COL15A1: variants seen among roughly 807,000 people sequenced by gnomAD.
COL15A1 encodes the protein collagen alpha-1(XV) chain.
COL15A1 carries 111 observed loss-of-function variants against 165.9 expected under a neutral mutation model. The observed-to-expected ratio is 0.67, with a 90% confidence interval of 0.57 to 0.78. The LOEUF is 0.78. Among genes scored for constraint, COL15A1 ranks in the 30% least tolerant of loss-of-function variants. The probability of loss-of-function intolerance (pLI) is 0.00; values close to 1 mark genes in which losing one functional copy is unlikely to be tolerated. For synonymous variants in COL15A1, 659 were observed against 674.8 expected (o/e 0.98, Z 0.36); for missense variants, 1,745 against 1,789.7 (o/e 0.98, Z 0.45).
chr9:99,005,880 A>G (rs1838754315), intron 9 of COL15A1, among the ~76,000 whole-genome samples: 1 of 152,038 alleles, frequency 6.6e-6, no homozygotes, highest in Non-Finnish European at 1.5e-5. Context: ...GAAGCTTCCC[A>G]TCGCCCTTCC....
Position 98,985,980 on chromosome 9 carries a change from A to C in COL15A1, c.516A>C (p.Glu172Asp). The C allele has an allele frequency of 6.2e-7, 1 of 1,614,054 alleles. No homozygotes were observed. The highest frequency in any genetic ancestry group is 8.5e-7 in the Non-Finnish European group (1 of 1,179,996). ...NRFAMIVQGE[E>D]VTLLVNCEEH... Reference sequence around the variant, plus strand: ...TCGCCATGATTGTCCAGGGTGAGGAAGTGACCCTCCTCGTGAACTGTGAGG... The same window carrying C: ...TCGCCATGATTGTCCAGGGTGAGGACGTGACCCTCCTCGTGAACTGTGAGG... Residue 172 changes from glutamate (E) to aspartate (D), a missense_variant, in exon 3 of 42, where the codon GAA becomes GAC. Physicochemically the swap from Glu to Asp is conservative, Grantham distance 45. Coordinates refer to ENST00000375001, the MANE Select transcript of COL15A1 (RefSeq NM_001855.5).
At chr9:99,062,394 T>G (rs541093587) in intron 38 of COL15A1, 90 bp downstream of exon 38, 1 of 960,770 alleles carries the variant, frequency 1.0e-6, no homozygotes, top group Non-Finnish European at 1.7e-6. Flanking sequence ...CTCTCCAAAC[T>G]CTGGACAGTC....
intron 11 of COL15A1, among the ~76,000 whole-genome samples, chr9:99,018,606 T>C (rs1229423626): frequency 3.3e-5 from 5 of 152,168 alleles, no homozygotes; most frequent in Admixed American, 3.3e-4. Context: ...TAGAGAAAAA[T>C]TGGGCATAAT....
At chr9:99,012,730 GA>G in intron 9 of COL15A1, among the ~76,000 whole-genome samples, 1 of 9,770 alleles carries the variant, frequency 1.0e-4, no homozygotes, top group East Asian at 1.6e-3. Flanking sequence ...TTTTTTTTTT[GA>G]GACGGAGTCT....
At chr9:98,951,774 T>C (rs1239138767) in intron 2 of COL15A1, among the ~76,000 whole-genome samples, 1 of 152,092 alleles carries the variant, frequency 6.6e-6, no homozygotes, top group African/African-American at 2.4e-5. Flanking sequence ...CCCAGGCTGG[T>C]CTAAAACTCC....
At chr9:99,003,408 A>G in intron 7 of COL15A1, 45 bp from the exon 8 acceptor site, 1 of 1,397,060 alleles carries the variant, frequency 7.2e-7, no homozygotes, top group South Asian at 1.8e-5. Flanking sequence ...AGGCATGTTG[A>G]TGGGAGCCCA....
chr9:98,954,239 T>C (rs1837739184), intron 2 of COL15A1, among the ~76,000 whole-genome samples: 1 of 152,178 alleles, frequency 6.6e-6, no homozygotes, highest in African/African-American at 2.4e-5. Context: ...TTTTAAAAAT[T>C]GGTAATAAAA....
At chr9:98,991,517 G>A (rs1432864756) in intron 5 of COL15A1, among the ~76,000 whole-genome samples, 1 of 152,120 alleles carries the variant, frequency 6.6e-6, no homozygotes, top group Non-Finnish European at 1.5e-5. Context: ...TACAAACCTT[G>A]AGCTAGATAC....
At chr9:98,972,617 A>G (rs1838079364) in intron 2 of COL15A1, among the ~76,000 whole-genome samples, 1 of 152,362 alleles carries the variant, frequency 6.6e-6, no homozygotes, top group East Asian at 1.9e-4. Flanking sequence ...GCAAGCCTGC[A>G]GAAAATTTTA....
At chr9:98,964,657 G>GTGTA (rs751839485) in intron 2 of COL15A1, among the ~76,000 whole-genome samples, 1 of 152,220 alleles carries the variant, frequency 6.6e-6, no homozygotes, top group Non-Finnish European at 1.5e-5. Context: ...GGTACCTAGT[G>GTGTA]TGTACCAAGC....
Position 98,944,238 on chromosome 9 carries a change from C to T in COL15A1, c.88C>T (p.Arg30Cys), listed in dbSNP as rs1020932695. 1.2e-6 allele frequency: 2 copies of T among 1,613,772 alleles called. No individual in the cohort carries two copies. Among genetic ancestry groups the T allele is most frequent in the African/African-American group, 2.7e-5 (2 of 74,924 alleles). Residue 30 changes from arginine (R) to cysteine (C), a missense_variant, in exon 2 of 42, where the codon CGC becomes TGC. Physicochemically the swap from Arg to Cys is radical, Grantham distance 180. Transcript: ENST00000375001. ...GCCCCTCCCTGCTGTCACCCAGACCCGCGGTGCGACAGGTAAGCAACCCGG... is the reference window on the plus strand; with the variant it reads ...GCCCCTCCCTGCTGTCACCCAGACCTGCGGTGCGACAGGTAAGCAACCCGG... ...STPLPAVTQT[R>C]GATETASQGH...
In COL15A1 at chr9:99,069,983, T is replaced by TTG. The variant is rs1347003082; in HGVS notation, c.*98_*99insGT. 1.5e-5 allele frequency: 15 copies of TTG among 995,422 alleles called. No individual in the cohort carries two copies. The African/African-American group carries it at 2.3e-4, about 15-fold the overall frequency. 61.7% of individuals were successfully genotyped at this position (995,422 alleles called of 1,614,324 possible). On this transcript the variant is annotated 3_prime_UTR_variant, in exon 42 of 42. Transcript: ENST00000375001. ...GTTTAATTGTTGTAAATATTACAGT[T>TTG]TTTTTTTTTTACTACATATTCTTTA...
chr9:99,033,750 A>T (rs912967214), intron 16 of COL15A1, among the ~76,000 whole-genome samples: 1 of 152,182 alleles, frequency 6.6e-6, no homozygotes, highest in Admixed American at 6.5e-5. Context: ...GTACATCAGC[A>T]TCTCTCTCAG....
Position 98,989,243 on chromosome 9 carries a change from C to T in COL15A1, c.789C>T (p.Thr263=), listed in dbSNP as rs1168431523. The stretch of plus-strand genomic sequence containing the variant: ...TAGCTGAGATCTTAGAAGCCGTCAC[C>T]TACACTCAAGCCTCGGTGAGTACTG... The part of the protein sequence containing the change: ...DGVAEILEAV[T]YTQASPKEAK... The change falls in exon 5 of 42, where the codon ACC becomes ACT. Residue 263 remains threonine, a synonymous_variant. Coordinates refer to ENST00000375001, the MANE Select transcript of COL15A1 (RefSeq NM_001855.5). 1 of 1,613,930 alleles carries T rather than the reference C, an allele frequency of 6.2e-7. No individual in the cohort carries two copies. The highest frequency in any genetic ancestry group is 1.7e-5 in the Admixed American group (1 of 60,028).
chr9:99,006,322 G>A (rs1490201742), intron 9 of COL15A1, among the ~76,000 whole-genome samples: 1 of 152,188 alleles, frequency 6.6e-6, no homozygotes, highest in Non-Finnish European at 1.5e-5. Context: ...ACAATATTTT[G>A]TTCATTGACA....
chr9:98,958,619 G>A (rs948544902), intron 2 of COL15A1, among the ~76,000 whole-genome samples: 3 of 152,144 alleles, frequency 2.0e-5, no homozygotes, highest in African/African-American at 7.2e-5. Context: ...CCATTTCAGG[G>A]TCTTCCCCTC....
chr9:98,955,833 G>A (rs1837766856), intron 2 of COL15A1, among the ~76,000 whole-genome samples: 1 of 152,210 alleles, frequency 6.6e-6, no homozygotes, highest in African/African-American at 2.4e-5. Context: ...CCAGCCAACT[G>A]CTTCTCCTCT....
chr9:99,024,199 C>T (rs1334084741), intron 14 of COL15A1, among the ~76,000 whole-genome samples: 1 of 152,126 alleles, frequency 6.6e-6, no homozygotes, highest in African/African-American at 2.4e-5. Context: ...GATCAGCCAA[C>T]CCAGCAATGG....
intron 5 of COL15A1, among the ~76,000 whole-genome samples, chr9:98,994,155 G>C (rs537065317): frequency 3.9e-5 from 6 of 152,102 alleles, no homozygotes; most frequent in Admixed American, 2.6e-4. Flanking sequence ...CACTGTGTTG[G>C]GGGGATTGGT....
Sources: gnomAD v4.1 joint callset for allele counts (sites outside exome capture counted in the v4.1 genomes callset) on GRCh38, gnomAD v4.1.1 for gene constraint, MANE v1.5 for transcripts, NCBI Gene and HGNC (gene_info 2026-07-23, HGNC 2026-07-21) for gene names.